GRID1: variants seen among roughly 807,000 people sequenced by gnomAD.
GRID1 encodes glutamate ionotropic receptor delta type subunit 1, also known as glutamate receptor ionotropic, delta-1.
In GRID1, 28 loss-of-function variants were observed where a neutral mutation model predicts 98.0. The ratio of observed to expected loss-of-function variants is 0.29; its 90% CI spans 0.21 to 0.39. GRID1 has a LOEUF of 0.39. Among genes scored for constraint, GRID1 ranks in the 10% least tolerant of loss-of-function variants. The probability of loss-of-function intolerance (pLI) is 1.00; values close to 1 mark genes in which losing one functional copy is unlikely to be tolerated. For synonymous variants in GRID1, 553 were observed against 538.5 expected (o/e 1.03, Z -0.37); for missense variants, 1,111 against 1,340.5 (o/e 0.83, Z 2.67).
intron 3 of GRID1, among the ~76,000 whole-genome samples, chr10:86,177,126 G>A (rs555148292): frequency 2.4e-3 from 359 of 151,240 alleles, no homozygotes; most frequent in Non-Finnish European, 4.1e-3. Flanking sequence ...GACCTCCCCC[G>A]AGAGAGATGA....
rs563584231 is a variant in GRID1, at chr10:85,700,136, G to A, written c.1997+22867C>T. On this transcript the variant is annotated intron_variant, in intron 12 of 15. Transcript: ENST00000327946. ...ACTATGAAGGACTTTTTCAACAACC[G>A]TAATGATAATATCTAGCAGATGTAT... 2.6e-5 allele frequency among the ~76,000 whole-genome samples: 4 copies of A among 152,208 alleles called. No homozygotes were observed. The East Asian group carries it at 5.8e-4, about 22-fold the overall frequency.
intron 8 of GRID1, among the ~76,000 whole-genome samples, chr10:85,806,310 G>C (rs878955515): frequency 2.6e-5 from 4 of 152,136 alleles, no homozygotes; most frequent in South Asian, 2.1e-4. Flanking sequence ...GTCATGCCAA[G>C]TGTTGGTAAG....
At chr10:85,604,768 T>C (rs1842637981) in intron 15 of GRID1, among the ~76,000 whole-genome samples, 1 of 152,258 alleles carries the variant, frequency 6.6e-6, no homozygotes. Flanking sequence ...TTATTTGCTT[T>C]GTTTTCATTT....
chr10:85,951,441 G>C (rs1234535145), intron 4 of GRID1, among the ~76,000 whole-genome samples: 1 of 151,938 alleles, frequency 6.6e-6, no homozygotes, highest in African/African-American at 2.4e-5. Flanking sequence ...CTGGAGTATA[G>C]GTGGGAGACG....
intron 5 of GRID1, among the ~76,000 whole-genome samples, chr10:85,906,324 T>C (rs1467367191): frequency 6.6e-6 from 1 of 152,076 alleles, no homozygotes; most frequent in East Asian, 1.9e-4. Context: ...TTAATACTCC[T>C]CTCTAAATAA....
At chr10:85,731,811 AAAG>A (rs1329111301) in intron 8 of GRID1, among the ~76,000 whole-genome samples, 136 of 135,590 alleles carry the variant, frequency 1.0e-3, no homozygotes, top group Middle Eastern at 7.5e-3. Flanking sequence ...AAAAAAAAAA[AAAG>A]AAGAAGAAGG....
At chr10:85,795,987 G>A (rs1406168860) in intron 8 of GRID1, among the ~76,000 whole-genome samples, 1 of 152,148 alleles carries the variant, frequency 6.6e-6, no homozygotes, top group Non-Finnish European at 1.5e-5. Flanking sequence ...GGAGTTAAGG[G>A]AGGGTTGCAA....
At chr10:85,748,328 C>T (rs1370245693) in intron 8 of GRID1, among the ~76,000 whole-genome samples, 1 of 152,154 alleles carries the variant, frequency 6.6e-6, no homozygotes, top group African/African-American at 2.4e-5. Context: ...GCCTGAGAAA[C>T]ATCATGTGAC....
chr10:85,648,856 A>C (rs1170667104), intron 12 of GRID1, among the ~76,000 whole-genome samples: 1 of 152,126 alleles, frequency 6.6e-6, no homozygotes, highest in Non-Finnish European at 1.5e-5. Context: ...GCTCACCGGG[A>C]CTTCAGAGGG....
intron 3 of GRID1, among the ~76,000 whole-genome samples, chr10:86,159,583 C>A (rs1436226713): frequency 6.6e-6 from 1 of 152,162 alleles, no homozygotes; most frequent in African/African-American, 2.4e-5. Flanking sequence ...ATGAGCCCAC[C>A]TAAGATGCAC....
chr10:86,068,995 C>T (rs1454347395), intron 4 of GRID1, among the ~76,000 whole-genome samples: 1 of 152,068 alleles, frequency 6.6e-6, no homozygotes, highest in Non-Finnish European at 1.5e-5. Flanking sequence ...GCTCCACAGG[C>T]CCCTAGTCTC....
intron 2 of GRID1, among the ~76,000 whole-genome samples, chr10:86,273,924 C>T (rs903079550): frequency 1.3e-4 from 19 of 151,538 alleles, no homozygotes; most frequent in Admixed American, 3.9e-4. Flanking sequence ...TAATTAGATC[C>T]CATTTGTCAA....
intron 6 of GRID1, among the ~76,000 whole-genome samples, chr10:85,863,079 T>A (rs1296663788): frequency 6.6e-6 from 1 of 152,186 alleles, no homozygotes; most frequent in African/African-American, 2.4e-5. Context: ...CTGAGGCTCC[T>A]GAGGAGACGC....
chr10:85,994,630 C>T (rs1295160376), intron 4 of GRID1, among the ~76,000 whole-genome samples: 1 of 152,196 alleles, frequency 6.6e-6, no homozygotes, highest in Non-Finnish European at 1.5e-5. Flanking sequence ...TATTGGTGAG[C>T]TGTTAGATAC....
At chr10:86,162,393 C>T (rs1056734501) in intron 3 of GRID1, among the ~76,000 whole-genome samples, 2 of 152,162 alleles carry the variant, frequency 1.3e-5, no homozygotes, top group African/African-American at 4.8e-5. Flanking sequence ...ACATCCCCAT[C>T]CCAGCCACCC....
At chr10:85,706,963 A>G (rs920001497) in intron 12 of GRID1, among the ~76,000 whole-genome samples, 1 of 152,234 alleles carries the variant, frequency 6.6e-6, no homozygotes, top group Non-Finnish European at 1.5e-5. Context: ...AAATTAATTC[A>G]AGATGGATTA....
intron 4 of GRID1, among the ~76,000 whole-genome samples, chr10:86,079,950 G>A (rs1474867596): frequency 6.6e-6 from 1 of 152,180 alleles, no homozygotes; most frequent in Admixed American, 6.5e-5. Context: ...AATCTGAAAG[G>A]ACCATTCGGT....
chr10:85,993,250 ATC>A (rs1020510373), intron 4 of GRID1, among the ~76,000 whole-genome samples: 16 of 152,246 alleles, frequency 1.1e-4, no homozygotes, highest in African/African-American at 3.9e-4. Flanking sequence ...AGTGGGCAGA[ATC>A]TGTGCAGGTG....
In GRID1 at chr10:85,599,802, A is replaced by AAAAAAAAAAAAATATAT; in HGVS notation, c.*2470_*2471insATATATTTTTTTTTTTT. 0.016 allele frequency: 1,049 copies of AAAAAAAAAAAAATATAT among 64,316 alleles called. 11 individuals carry two copies. Among genetic ancestry groups the AAAAAAAAAAAAATATAT allele is most frequent in the East Asian group, 0.049 (112 of 2,274 alleles). The allele number at this position is 64,316 out of a possible 1,614,324, so 4.0% of individuals were successfully genotyped here. A position where few individuals can be genotyped will look rare whatever the true frequency, so the allele number is the denominator to read the frequency against. ...GTAGAAAATTCTAAAAAAAAAAAAA[A>AAAAAAAAAAAAATATAT]ATATATATATATATATATAAACATG... On this transcript the variant is annotated 3_prime_UTR_variant, in exon 16 of 16. Coordinates refer to ENST00000327946, the MANE Select transcript of GRID1 (RefSeq NM_017551.3).
Sources: allele counts gnomAD v4.1 joint callset (sites outside exome capture counted in the v4.1 genomes callset), GRCh38; gene constraint gnomAD v4.1.1; transcripts MANE v1.5; gene names NCBI Gene and HGNC (gene_info 2026-07-23, HGNC 2026-07-21).